Variants in RARB observed in about 807,000 individuals in gnomAD.
The protein encoded by RARB is retinoic acid receptor beta, also known as HBV-activated protein.
In RARB, 17 loss-of-function variants were observed where a neutral mutation model predicts 51.9. The observed-to-expected ratio is 0.33, with a 90% confidence interval of 0.22 to 0.49. The LOEUF (loss-of-function observed/expected upper bound fraction) is 0.49. RARB is among the 20% of genes least tolerant of loss of function. RARB has a pLI of 0.99. For missense variants in RARB, 369 were observed against 550.8 expected, an observed-to-expected ratio of 0.67 and a Z score of 3.30; for synonymous variants, 215 against 195.4, an observed-to-expected ratio of 1.10 and a Z score of -0.84.
intron 5 of RARB, among the ~76,000 whole-genome samples, chr3:25,421,883 ACT>A (rs1392490497): frequency 6.6e-6 from 1 of 152,000 alleles, no homozygotes; most frequent in Non-Finnish European, 1.5e-5. Context: ...TAGTGTCTAA[ACT>A]CTGTGGCCCC....
intron 5 of RARB, among the ~76,000 whole-genome samples, chr3:25,314,248 C>T (rs1704362674): frequency 6.6e-6 from 1 of 151,382 alleles, no homozygotes; most frequent in South Asian, 2.1e-4. Context: ...GAATTTTTAG[C>T]TTCATCATTT....
At chr3:24,860,026 C>T (rs557192355) in intron 2 of RARB, among the ~76,000 whole-genome samples, 66 of 152,258 alleles carry the variant, frequency 4.3e-4, no homozygotes, top group African/African-American at 1.5e-3. Context: ...GCTGACCTAC[C>T]TTTACATCAA....
intron 3 of RARB, among the ~76,000 whole-genome samples, chr3:25,100,241 CA>C (rs1194974548): frequency 6.6e-6 from 1 of 152,094 alleles, no homozygotes; most frequent in Non-Finnish European, 1.5e-5. Flanking sequence ...ATAATTGAAT[CA>C]ATAGCAAGTT....
At chr3:25,169,542 A>G (rs1700609582) in intron 4 of RARB, among the ~76,000 whole-genome samples, 1 of 152,262 alleles carries the variant, frequency 6.6e-6, no homozygotes, top group African/African-American at 2.4e-5. Flanking sequence ...AACTGTAACA[A>G]TATTTATCTG....
intron 5 of RARB, among the ~76,000 whole-genome samples, chr3:25,271,131 G>A (rs1459308925): frequency 6.6e-6 from 1 of 152,164 alleles, no homozygotes; most frequent in African/African-American, 2.4e-5. Context: ...AATGAGGTTG[G>A]TCAGAGATAT....
At chr3:25,274,837 G>A (rs1362021675) in intron 5 of RARB, among the ~76,000 whole-genome samples, 1 of 152,038 alleles carries the variant, frequency 6.6e-6, no homozygotes, top group Admixed American at 6.5e-5. Context: ...TCAGGGTCGG[G>A]ACTGGCAGAC....
intron 2 of RARB, among the ~76,000 whole-genome samples, chr3:24,942,737 A>G (rs1466255430): frequency 6.6e-6 from 1 of 152,190 alleles, no homozygotes; most frequent in Non-Finnish European, 1.5e-5. Flanking sequence ...AGTGAAGATT[A>G]CTGTCAAGAG....
At chr3:25,434,862 A>C (rs190426863) in intron 1 of RARB, among the ~76,000 whole-genome samples, 1 of 152,142 alleles carries the variant, frequency 6.6e-6, no homozygotes, top group African/African-American at 2.4e-5. Flanking sequence ...TTGAAAGTAC[A>C]AAGTTCCCAT....
intron 5 of RARB, among the ~76,000 whole-genome samples, chr3:25,233,523 AT>A (rs1441792806): frequency 2.6e-5 from 4 of 152,028 alleles, no homozygotes; most frequent in African/African-American, 9.7e-5. Flanking sequence ...TCTAATCTGT[AT>A]GTCTTTTATT....
At chr3:24,861,969 T>C (rs1050519102) in intron 2 of RARB, among the ~76,000 whole-genome samples, 5 of 152,210 alleles carry the variant, frequency 3.3e-5, no homozygotes, top group Non-Finnish European at 7.3e-5. Context: ...GGATCAGCTG[T>C]CCTGCTGACC....
At chr3:25,157,370 G>GTC (rs779351154) in intron 4 of RARB, among the ~76,000 whole-genome samples, 1 of 96,636 alleles carries the variant, frequency 1.0e-5, no homozygotes, top group Non-Finnish European at 2.3e-5. Context: ...GTGTGTGTGT[G>GTC]TGTGTGTGTG....
intron 5 of RARB, among the ~76,000 whole-genome samples, chr3:25,278,341 G>A (rs1388584531): frequency 6.6e-6 from 1 of 152,176 alleles, no homozygotes; most frequent in African/African-American, 2.4e-5. Context: ...TATGAGAGTT[G>A]CCCCTTGGAA....
intron 5 of RARB, among the ~76,000 whole-genome samples, chr3:25,242,665 A>G (rs578144210): frequency 4.6e-5 from 7 of 152,088 alleles, no homozygotes; most frequent in African/African-American, 9.6e-5. Context: ...CCATTGGTCT[A>G]TATATCTGTT....
At chr3:25,372,294 C>T (rs868027400) in intron 5 of RARB, among the ~76,000 whole-genome samples, 14 of 152,094 alleles carry the variant, frequency 9.2e-5, no homozygotes, top group African/African-American at 3.4e-4. Flanking sequence ...GCAACATCCC[C>T]GGATTCTACC....
intron 2 of RARB, among the ~76,000 whole-genome samples, chr3:24,894,049 G>C (rs1429943044): frequency 6.6e-6 from 1 of 152,128 alleles, no homozygotes; most frequent in African/African-American, 2.4e-5. Context: ...CTATTCAAAT[G>C]ATTAGAAATT....
intron 2 of RARB, among the ~76,000 whole-genome samples, chr3:24,942,231 G>T (rs1027117244): frequency 4.6e-5 from 7 of 152,168 alleles, no homozygotes; most frequent in African/African-American, 1.7e-4. Flanking sequence ...TGCTGTCACT[G>T]CATTAGGTGT....
At chr3:25,197,694 T>A (rs897806082) in intron 5 of RARB, among the ~76,000 whole-genome samples, 4 of 151,760 alleles carry the variant, frequency 2.6e-5, no homozygotes, top group African/African-American at 9.7e-5. Context: ...ATTTCAATAG[T>A]TACAAATAAA....
intron 5 of RARB, among the ~76,000 whole-genome samples, chr3:25,386,911 G>A (rs1056223715): frequency 3.9e-5 from 6 of 152,198 alleles, no homozygotes; most frequent in Admixed American, 6.5e-5. Context: ...GTCAAAGCCT[G>A]AAATTTCATT....
At chr3:25,582,935 C>T (rs554287266) in intron 5 of RARB, among the ~76,000 whole-genome samples, 61 of 152,272 alleles carry the variant, frequency 4.0e-4, no homozygotes, top group African/African-American at 1.4e-3. Context: ...ATACCTAGCA[C>T]GTAGTAGGTA....
Sources: gnomAD v4.1 joint callset for allele counts (sites outside exome capture counted in the v4.1 genomes callset) on GRCh38, gnomAD v4.1.1 for gene constraint, MANE v1.5 for transcripts, NCBI Gene and HGNC (gene_info 2026-07-23, HGNC 2026-07-21) for gene names.